The following FGF13 variants were observed in gnomAD, a reference collection of about 807,000 sequenced individuals.
The protein encoded by FGF13 is fibroblast growth factor homologous factor 2.
In FGF13, 2 loss-of-function variants were observed where a neutral mutation model predicts 19.5. The ratio of observed to expected loss-of-function variants is 0.10; its 90% CI spans 0.04 to 0.32. The LOEUF is 0.32. Among genes scored for constraint, FGF13 ranks in the 10% least tolerant of loss-of-function variants. FGF13 has a pLI of 1.00. For missense variants in FGF13, 113 were observed against 192.7 expected, an observed-to-expected ratio of 0.59 and a Z score of 2.45; for synonymous variants, 72 against 76.9, an observed-to-expected ratio of 0.94 and a Z score of 0.33.
At chrX:138,694,953 A>C (rs1038012246) in intron 3 of FGF13, among the ~76,000 whole-genome samples, 1 of 107,129 alleles carries the variant, frequency 9.3e-6, no homozygotes, top group Non-Finnish European at 1.9e-5. Flanking sequence ...ACATGGTCTC[A>C]AAGTGTCTCC....
intron 3 of FGF13, among the ~76,000 whole-genome samples, chrX:138,831,019 C>T (rs1373869497): frequency 9.0e-6 from 1 of 110,639 alleles, no homozygotes; most frequent in Non-Finnish European, 1.9e-5. Flanking sequence ...TCTATTCTCC[C>T]CACATTCCAG....
rs768101857 is a variant in FGF13 at position 138,829,276 on chromosome X, G to A, written c.217+28236C>T. On this transcript the variant is annotated intron_variant, in intron 3 of 6. Transcript: ENST00000436198. ...TGGTGGTGTTGTAAGATGGGGCCTA[G>A]TAGAAGGTATTTGGGGTATGGAAGT... Among the ~76,000 whole-genome samples, 34 of 111,749 alleles carry A rather than the reference G, an allele frequency of 3.0e-4. 1 individual carries two copies. The South Asian group carries it at 6.9e-3, about 23-fold the overall frequency.
chrX:138,644,948 C>G (rs773517101), intron 3 of FGF13, among the ~76,000 whole-genome samples: 9 of 111,845 alleles, frequency 8.0e-5, no homozygotes, highest in Non-Finnish European at 1.3e-4. Flanking sequence ...AAGAGAGGAA[C>G]CTTTTTTATG....
At chrX:139,085,490 G>A (rs2083397977) in intron 1 of FGF13, among the ~76,000 whole-genome samples, 1 of 112,093 alleles carries the variant, frequency 8.9e-6, no homozygotes, top group Non-Finnish European at 1.9e-5. Flanking sequence ...TGAAATGATG[G>A]GTGTGGGTAT....
chrX:138,931,398 T>C (rs1329179095), intron 1 of FGF13, among the ~76,000 whole-genome samples: 5 of 112,093 alleles, frequency 4.5e-5, no homozygotes, highest in Non-Finnish European at 1.9e-5. Context: ...TAGGATAGTA[T>C]GAATCCCCTT....
chrX:139,090,693 A>C (rs1462822990), intron 1 of FGF13, among the ~76,000 whole-genome samples: 2 of 110,767 alleles, frequency 1.8e-5, no homozygotes, highest in African/African-American at 6.6e-5. Flanking sequence ...TAATCCCAAC[A>C]CTTTGGGAGG....
chrX:138,832,157 A>G (rs1602930806), intron 3 of FGF13, among the ~76,000 whole-genome samples: 1 of 111,969 alleles, frequency 8.9e-6, no homozygotes, highest in African/African-American at 3.2e-5. Flanking sequence ...ATTGATTTAT[A>G]CTCCTTTCAG....
chrX:138,914,995 C>T (rs1025310998), intron 1 of FGF13, among the ~76,000 whole-genome samples: 3 of 111,071 alleles, frequency 2.7e-5, no homozygotes. Flanking sequence ...CTTGATCAGC[C>T]TGGGCATAGA....
intron 1 of FGF13, among the ~76,000 whole-genome samples, chrX:139,158,817 T>C (rs2084002307): frequency 9.0e-6 from 1 of 111,274 alleles, no homozygotes; most frequent in South Asian, 3.8e-4. Context: ...CCAAGAAATA[T>C]GGGACTATGT....
chrX:138,755,830 T>G (rs972489564), intron 3 of FGF13, among the ~76,000 whole-genome samples: 1 of 112,204 alleles, frequency 8.9e-6, no homozygotes, highest in African/African-American at 3.2e-5. Context: ...TGGATTGAAT[T>G]GTGTCCTCAC....
At chrX:138,742,489 GCTCTCTCT>G (rs10605205), upstream of FGF13, among the ~76,000 whole-genome samples, 99 of 103,792 alleles carry the variant, frequency 9.5e-4, no homozygotes, top group African/African-American at 3.2e-3. Flanking sequence ...TCAGCAAGGG[GCTCTCTCT>G]CTCTCTCTCT....
intron 1 of FGF13, among the ~76,000 whole-genome samples, chrX:138,735,439 C>T (rs1312877859): frequency 9.0e-6 from 1 of 111,536 alleles, no homozygotes; most frequent in Non-Finnish European, 1.9e-5. Context: ...GACATTTCAG[C>T]GGCATGTTGA....
At chrX:139,049,709 T>C (rs1417664257) in intron 1 of FGF13, among the ~76,000 whole-genome samples, 1 of 112,817 alleles carries the variant, frequency 8.9e-6, no homozygotes, top group African/African-American at 3.2e-5. Context: ...ATTTCTATCT[T>C]GCTGACTGAA....
intron 1 of FGF13, among the ~76,000 whole-genome samples, chrX:138,725,542 G>T (rs928082928): frequency 9.0e-6 from 1 of 111,379 alleles, no homozygotes; most frequent in Admixed American, 9.6e-5. Flanking sequence ...CTGCACACTT[G>T]TTCTTCCTAA....
intron 3 of FGF13, among the ~76,000 whole-genome samples, chrX:138,809,196 A>G (rs1304258182): frequency 1.8e-5 from 2 of 112,145 alleles, no homozygotes; most frequent in Non-Finnish European, 3.8e-5. Flanking sequence ...AAAATCTTCA[A>G]TAAAATACTG....
At chrX:138,776,493 G>C (rs1462056623) in intron 3 of FGF13, among the ~76,000 whole-genome samples, 1 of 111,728 alleles carries the variant, frequency 9.0e-6, no homozygotes, top group Non-Finnish European at 1.9e-5. Context: ...CCATTTTGTG[G>C]GAAACTGAGG....
At chrX:138,900,129 G>A (rs1225407501) in intron 1 of FGF13, among the ~76,000 whole-genome samples, 1 of 111,291 alleles carries the variant, frequency 9.0e-6, no homozygotes, top group Non-Finnish European at 1.9e-5. Flanking sequence ...AATTGAAAAT[G>A]TAATGTGATT....
At chrX:139,168,322 C>T in intron 1 of FGF13, among the ~76,000 whole-genome samples, 1 of 111,738 alleles carries the variant, frequency 8.9e-6, no homozygotes, top group Non-Finnish European at 1.9e-5. Context: ...CTAGATCTTT[C>T]AGAAAGTCAA....
At chrX:139,194,826 G>A (rs1179683377) in intron 1 of FGF13, among the ~76,000 whole-genome samples, 1 of 111,679 alleles carries the variant, frequency 9.0e-6, no homozygotes, top group Non-Finnish European at 1.9e-5. Flanking sequence ...ATCTTCCCCC[G>A]GACTGCGACC....
Sources: allele counts gnomAD v4.1 joint callset (sites outside exome capture counted in the v4.1 genomes callset), GRCh38; gene constraint gnomAD v4.1.1; transcripts MANE v1.5; gene names NCBI Gene and HGNC (gene_info 2026-07-23, HGNC 2026-07-21).